The following CNBD1 variants were observed in gnomAD, a reference collection of about 807,000 sequenced individuals.
CNBD1 encodes the protein cyclic nucleotide-binding domain-containing protein 1.
In CNBD1, 71 loss-of-function variants were observed where a neutral mutation model predicts 54.4. The ratio of observed to expected loss-of-function variants is 1.30; its 90% CI spans 1.08 to 1.59. The LOEUF is 1.59. CNBD1 is among the 40% of genes most tolerant of loss of function. The probability of loss-of-function intolerance (pLI) is 0.00; values close to 1 mark genes in which losing one functional copy is unlikely to be tolerated. For synonymous variants in CNBD1, 182 were observed against 170.7 expected (o/e 1.07, Z -0.51); for missense variants, 659 against 518.0 (o/e 1.27, Z -2.64).
At chr8:87,248,718 G>A (rs1227404999) in intron 6 of CNBD1, among the ~76,000 whole-genome samples, 1 of 152,078 alleles carries the variant, frequency 6.6e-6, no homozygotes, top group Non-Finnish European at 1.5e-5. Flanking sequence ...TCTTTTGTTG[G>A]CAGTCACAGA....
chr8:87,081,893 A>G (rs142809851), intron 4 of CNBD1, among the ~76,000 whole-genome samples: 126 of 152,248 alleles, frequency 8.3e-4, no homozygotes, highest in African/African-American at 2.8e-3. Flanking sequence ...TTTTCTGTCT[A>G]TGCATTACTT....
At chr8:87,133,552 G>A (rs1438339735) in intron 4 of CNBD1, among the ~76,000 whole-genome samples, 1 of 152,004 alleles carries the variant, frequency 6.6e-6, no homozygotes, top group Non-Finnish European at 1.5e-5. Flanking sequence ...CACTCTCCTG[G>A]GTTGTTCCCT....
chr8:87,171,482 T>C (rs145590622), intron 4 of CNBD1, among the ~76,000 whole-genome samples: 121 of 152,186 alleles, frequency 8.0e-4, no homozygotes, highest in African/African-American at 2.6e-3. Flanking sequence ...TGTTGATCTT[T>C]TATATTGTTT....
intron 3 of CNBD1, among the ~76,000 whole-genome samples, chr8:86,927,643 C>T (rs1470592266): frequency 1.3e-5 from 2 of 152,058 alleles, no homozygotes; most frequent in African/African-American, 4.8e-5. Flanking sequence ...TTCGTCCTGG[C>T]AGGAGCTACA....
chr8:87,304,647 A>G (rs570917946), intron 8 of CNBD1, among the ~76,000 whole-genome samples: 1 of 152,088 alleles, frequency 6.6e-6, no homozygotes, highest in African/African-American at 2.4e-5. Context: ...AAAAATAAAT[A>G]AATAAATAAA....
chr8:87,017,389 G>A (rs941834135), intron 4 of CNBD1, among the ~76,000 whole-genome samples: 2 of 152,056 alleles, frequency 1.3e-5, no homozygotes, highest in Non-Finnish European at 2.9e-5. Context: ...CATTTATTGG[G>A]GCTAATGGCA....
intron 4 of CNBD1, among the ~76,000 whole-genome samples, chr8:87,018,308 A>G (rs1262373573): frequency 6.6e-6 from 1 of 152,210 alleles, no homozygotes; most frequent in East Asian, 1.9e-4. Context: ...CATTTTATAC[A>G]AATAATCAGG....
At chr8:87,278,561 A>G (rs562727094) in intron 6 of CNBD1, among the ~76,000 whole-genome samples, 2 of 151,716 alleles carry the variant, frequency 1.3e-5, no homozygotes, top group South Asian at 4.1e-4. Context: ...TATAACCAGT[A>G]AAACCATCTT....
chr8:87,091,592 A>G (rs1811204045), intron 4 of CNBD1, among the ~76,000 whole-genome samples: 1 of 152,188 alleles, frequency 6.6e-6, no homozygotes, highest in Non-Finnish European at 1.5e-5. Flanking sequence ...AGCTCAGCAA[A>G]CAAATTCTCA....
At chr8:87,264,733 A>T (rs1225461712) in intron 6 of CNBD1, among the ~76,000 whole-genome samples, 1 of 152,086 alleles carries the variant, frequency 6.6e-6, no homozygotes, top group South Asian at 2.1e-4. Context: ...TTTGATTTTC[A>T]TTCCTCTGAT....
At chr8:86,974,487 C>T (rs1038123729) in intron 4 of CNBD1, among the ~76,000 whole-genome samples, 7 of 151,986 alleles carry the variant, frequency 4.6e-5, no homozygotes, top group Admixed American at 1.3e-4. Context: ...TTCACAATAG[C>T]ATTGTTTATG....
intron 4 of CNBD1, among the ~76,000 whole-genome samples, chr8:87,005,396 A>C (rs1299588241): frequency 6.6e-6 from 1 of 152,132 alleles, no homozygotes; most frequent in Non-Finnish European, 1.5e-5. Flanking sequence ...CAGGTCACCA[A>C]ATCTATATTT....
intron 4 of CNBD1, among the ~76,000 whole-genome samples, chr8:87,133,738 AT>A (rs139517440): frequency 0.026 from 3,931 of 152,040 alleles, 66 homozygotes; most frequent in Non-Finnish European, 0.04. Context: ...TGGATTTAAA[AT>A]TTTTTTTATG....
chr8:87,254,739 G>C (rs538831015), intron 6 of CNBD1, among the ~76,000 whole-genome samples: 94 of 152,268 alleles, frequency 6.2e-4, no homozygotes, highest in African/African-American at 2.2e-3. Context: ...ATAGCACCCA[G>C]ATCCCTCCCA....
intron 4 of CNBD1, among the ~76,000 whole-genome samples, chr8:87,033,404 A>G (rs532177976): frequency 6.6e-6 from 1 of 152,312 alleles, no homozygotes; most frequent in Admixed American, 6.5e-5. Context: ...TCTTACTGAC[A>G]AGGTAATTCT....
rs1027217654 is a variant in CNBD1, at chr8:87,166,878, A to G, written c.432-39115A>G. On this transcript the variant is annotated intron_variant, in intron 4 of 10. Coordinates refer to ENST00000518476, the MANE Select transcript of CNBD1 (RefSeq NM_173538.3). This position sits in a 1 kb window ranked among gnomAD's most constrained non-coding sequence, Gnocchi z 4.3. ...CTATTTTCCAGTATAGTATGTAACT[A>G]TATATTTAATTTTTTTATTACAAAG... Among the ~76,000 whole-genome samples the G allele has an allele frequency of 7.3e-5, 11 of 151,432 alleles. No homozygotes were observed. Among genetic ancestry groups the G allele is most frequent in the African/African-American group, 2.4e-4 (10 of 40,942 alleles).
chr8:87,322,847 G>T lies in CNBD1; in HGVS notation c.1043-28838G>T, dbSNP rs925307010. Among the ~76,000 whole-genome samples, 5 of 115,724 alleles carry T rather than the reference G, an allele frequency of 4.3e-5. 1 individual carries two copies. The highest frequency in any genetic ancestry group is 1.7e-4 in the African/African-American group (5 of 30,068). The allele number at this position is 115,724 out of a possible 152,430, so 75.9% of individuals were successfully genotyped here. A position where few individuals can be genotyped will look rare whatever the true frequency, so the allele number is the denominator to read the frequency against. On this transcript the variant is annotated intron_variant, in intron 8 of 10. Transcript: ENST00000518476. ...GTCAATTTTGTCTTTTGTTGCCATT[G>T]CTTTTGGTGTTTTAGACATGAAGTC...
intron 8 of CNBD1, among the ~76,000 whole-genome samples, chr8:87,327,342 C>T (rs1446896577): frequency 2.7e-5 from 4 of 150,488 alleles, no homozygotes; most frequent in Non-Finnish European, 5.9e-5. Context: ...CCAGTTCGAG[C>T]TTCCCGGCTG....
intron 8 of CNBD1, among the ~76,000 whole-genome samples, chr8:87,348,286 A>G (rs2130925332): frequency 6.6e-6 from 1 of 152,266 alleles, no homozygotes; most frequent in South Asian, 2.1e-4. Context: ...ATAAATATAC[A>G]TTTTTAATAA....
Sources: allele counts gnomAD v4.1 joint callset (sites outside exome capture counted in the v4.1 genomes callset), GRCh38; gene constraint gnomAD v4.1.1; non-coding constraint Gnocchi (gnomAD v3.1); transcripts MANE v1.5; gene names NCBI Gene and HGNC (gene_info 2026-07-23, HGNC 2026-07-21).